The following ZSWIM6 variants were observed in gnomAD, a reference collection of about 807,000 sequenced individuals.
ZSWIM6 encodes zinc finger SWIM-type containing 6.
In ZSWIM6, 9 loss-of-function variants were observed where a neutral mutation model predicts 113.2. The ratio of observed to expected loss-of-function variants is 0.08; its 90% CI spans 0.05 to 0.14. The LOEUF is 0.14. Among genes scored for constraint, ZSWIM6 ranks in the 10% least tolerant of loss-of-function variants. ZSWIM6 has a pLI of 1.00. For missense variants in ZSWIM6, 1,162 were observed against 1,552.2 expected (o/e 0.75, Z 4.22); for synonymous variants, 611 against 606.5 (o/e 1.01, Z -0.11).
intron 1 of ZSWIM6, among the ~76,000 whole-genome samples, chr5:61,422,590 G>C (rs1459644757): frequency 6.6e-6 from 1 of 151,710 alleles, no homozygotes; most frequent in Non-Finnish European, 1.5e-5. Flanking sequence ...TTTTTTTTCT[G>C]TTCCTGTGAA....
At chr5:61,535,108 A>C (rs576843922) in intron 9 of ZSWIM6, among the ~76,000 whole-genome samples, 1 of 152,128 alleles carries the variant, frequency 6.6e-6, no homozygotes, top group Non-Finnish European at 1.5e-5. Context: ...CTGTGGTGTC[A>C]TCTGTGCATT....
rs1003192205 is a variant in ZSWIM6 at position 61,472,131 on chromosome 5, C to G, written c.677-550C>G. Among the ~76,000 whole-genome samples the G allele has an allele frequency of 8.5e-5, 13 of 152,146 alleles. No individual in the cohort carries two copies. Among genetic ancestry groups the G allele is most frequent in the African/African-American group, 3.1e-4 (13 of 41,432 alleles). On this transcript the variant is annotated intron_variant, in intron 1 of 13. Coordinates refer to ENST00000252744, the MANE Select transcript of ZSWIM6 (RefSeq NM_020928.2). The surrounding 1 kb of genome is among the most constrained non-coding windows in gnomAD (Gnocchi z 4.1). ...TTATGCATGTTGCAGAAAGGATTGT[C>G]AAATTTAAAAATTTATCTGATCAAA...
At chr5:61,505,462 T>C (rs1019425365) in intron 4 of ZSWIM6, among the ~76,000 whole-genome samples, 1 of 152,156 alleles carries the variant, frequency 6.6e-6, no homozygotes, top group African/African-American at 2.4e-5. Context: ...GGGCTGTTTT[T>C]GATGTATCTT....
At chr5:61,403,677 C>G (rs1745984374) in intron 1 of ZSWIM6, among the ~76,000 whole-genome samples, 1 of 152,210 alleles carries the variant, frequency 6.6e-6, no homozygotes, top group African/African-American at 2.4e-5. Flanking sequence ...GAAGGGAATA[C>G]ACGCCTGTAA....
At chr5:61,520,541 T>C (rs78948561) in intron 4 of ZSWIM6, among the ~76,000 whole-genome samples, 2,385 of 152,302 alleles carry the variant, frequency 0.016, 34 homozygotes, top group East Asian at 0.028. Context: ...AATTTAGTGA[T>C]TTCAACTATA....
intron 1 of ZSWIM6, among the ~76,000 whole-genome samples, chr5:61,363,829 C>CTTCCTTCCTCCCTTCCCTTTCCTT (rs1316759068): frequency 8.6e-5 from 13 of 150,924 alleles, no homozygotes; most frequent in Non-Finnish European, 1.3e-4. Context: ...TGTTTCCTTC[C>CTTCCTTCCTCCCTTCCCTTTCCTT]TTCCTTCCTC....
chr5:61,490,715 GTCTT>G (rs1748155924), intron 2 of ZSWIM6, 67 bp from the exon 3 acceptor site: 2 of 1,432,950 alleles, frequency 1.4e-6, no homozygotes, highest in Non-Finnish European at 1.9e-6. Context: ...GGCAAAAAGA[GTCTT>G]AATTAATCCT....
chr5:61,375,587 A>T, intron 1 of ZSWIM6: 1 of 1,533,856 alleles, frequency 6.5e-7, no homozygotes, highest in Non-Finnish European at 8.8e-7. Context: ...GATAGTTTAA[A>T]AAAGAAAAAG....
intron 1 of ZSWIM6, among the ~76,000 whole-genome samples, chr5:61,469,530 T>G (rs1227422344): frequency 1.3e-5 from 2 of 152,218 alleles, no homozygotes; most frequent in African/African-American, 4.8e-5. Context: ...ACAAGAATAG[T>G]AAATTTTAAG....
At chr5:61,401,890 C>T (rs140576625) in intron 1 of ZSWIM6, among the ~76,000 whole-genome samples, 1 of 152,272 alleles carries the variant, frequency 6.6e-6, no homozygotes, top group Non-Finnish European at 1.5e-5. Context: ...TCAGCAAGAC[C>T]AGTCTCCTCT....
At chr5:61,462,607 T>G (rs74640665) in intron 1 of ZSWIM6, among the ~76,000 whole-genome samples, 79 of 152,294 alleles carry the variant, frequency 5.2e-4, no homozygotes, top group African/African-American at 1.8e-3. Context: ...GCTTGGCATT[T>G]CCAGCAGCAA....
At chr5:61,381,482 T>C (rs1230350340) in intron 1 of ZSWIM6, among the ~76,000 whole-genome samples, 1 of 152,192 alleles carries the variant, frequency 6.6e-6, no homozygotes, top group Non-Finnish European at 1.5e-5. Flanking sequence ...TGAATTTAAA[T>C]AAGGCAAGGT....
intron 1 of ZSWIM6, among the ~76,000 whole-genome samples, chr5:61,340,612 C>T (rs529478398): frequency 2.6e-5 from 4 of 152,136 alleles, no homozygotes; most frequent in Non-Finnish European, 4.4e-5. Flanking sequence ...TTCCCATTTT[C>T]CTGGTAAGAA....
intron 1 of ZSWIM6, among the ~76,000 whole-genome samples, chr5:61,461,975 C>A (rs1747332212): frequency 1.3e-5 from 2 of 152,012 alleles, no homozygotes; most frequent in Non-Finnish European, 2.9e-5. Context: ...ATATATCTAC[C>A]TCACTGTTCT....
chr5:61,428,105 CAG>C (rs891576579), intron 1 of ZSWIM6, among the ~76,000 whole-genome samples: 15 of 152,196 alleles, frequency 9.9e-5, no homozygotes, highest in African/African-American at 3.6e-4. Flanking sequence ...GAGGGGACCA[CAG>C]AGAATTTTAT....
Position 61,499,454 on chromosome 5 carries a change from G to A in ZSWIM6, c.1333+5044G>A, listed in dbSNP as rs1019171613. Among the ~76,000 whole-genome samples, 7 of 152,308 alleles carry A rather than the reference G, an allele frequency of 4.6e-5. No individual in the cohort carries two copies. The East Asian group carries it at 1.4e-3, about 29-fold the overall frequency. On this transcript the variant is annotated intron_variant, in intron 4 of 13. Transcript: ENST00000252744. Reference sequence around the variant, plus strand: ...GGGTAGGTGATAGTACCAGTAGCAAGGAGGGGGTAGAGAGATGAAACATTA... The same window carrying A: ...GGGTAGGTGATAGTACCAGTAGCAAAGAGGGGGTAGAGAGATGAAACATTA...
rs1345527733 is a variant in ZSWIM6, at chr5:61,544,432, G to A, written c.*115G>A. 3.1e-6 allele frequency: 2 copies of A among 649,670 alleles called. No individual in the cohort carries two copies. The highest frequency in any genetic ancestry group is 5.6e-5 in the East Asian group (2 of 35,484). 40.2% of individuals were successfully genotyped at this position (649,670 alleles called of 1,614,324 possible). A position where few individuals can be genotyped will look rare whatever the true frequency, so the allele number is the denominator to read the frequency against. On this transcript the variant is annotated 3_prime_UTR_variant, in exon 14 of 14. Transcript: ENST00000252744. ...GAACAGAGCCACACCGGTATTATATGTGTATAGTTATATTGCGTTTGCAGA... is the reference window on the plus strand; with the variant it reads ...GAACAGAGCCACACCGGTATTATATATGTATAGTTATATTGCGTTTGCAGA...
intron 1 of ZSWIM6, among the ~76,000 whole-genome samples, chr5:61,351,963 A>T (rs1225299230): frequency 6.6e-6 from 1 of 152,168 alleles, no homozygotes; most frequent in South Asian, 2.1e-4. Flanking sequence ...TGCAGCCAGG[A>T]TGGTGTTGTT....
chr5:61,537,467 C>T (rs1749610478), intron 10 of ZSWIM6, among the ~76,000 whole-genome samples: 1 of 152,220 alleles, frequency 6.6e-6, no homozygotes, highest in East Asian at 1.9e-4. Flanking sequence ...TCATCTTCAG[C>T]ACTCATTTTC....
Sources: gnomAD v4.1 joint callset for allele counts (sites outside exome capture counted in the v4.1 genomes callset) on GRCh38, gnomAD v4.1.1 for gene constraint, Gnocchi (gnomAD v3.1) non-coding constraint, MANE v1.5 for transcripts, NCBI Gene and HGNC (gene_info 2026-07-23, HGNC 2026-07-21) for gene names.